LARP4B: variants seen among roughly 807,000 people sequenced by gnomAD.
The protein encoded by LARP4B is La ribonucleoprotein 4B.
In LARP4B, 12 loss-of-function variants were observed where a neutral mutation model predicts 89.8. That is an observed-to-expected ratio of 0.13 (90% confidence interval 0.09 to 0.22). The LOEUF (loss-of-function observed/expected upper bound fraction) is 0.22, where lower values mean the gene tolerates loss of function less well. Ranked by LOEUF, LARP4B falls within the 10% of genes least tolerant of loss-of-function variation. LARP4B has a pLI of 1.00. For synonymous variants in LARP4B, 367 were observed against 363.3 expected, an observed-to-expected ratio of 1.01 and a Z score of -0.12; for missense variants, 757 against 947.7, an observed-to-expected ratio of 0.80 and a Z score of 2.64.
At chr10:860,334 A>G (rs1195130886) in intron 5 of LARP4B, among the ~76,000 whole-genome samples, 1 of 152,180 alleles carries the variant, frequency 6.6e-6, no homozygotes, top group Non-Finnish European at 1.5e-5. Flanking sequence ...TGAGGTCATA[A>G]GGGTCATAAG....
rs765450284 is a variant in LARP4B, at chr10:814,969, G to A, written c.1797C>T (p.Ser599=). Residue 599 remains serine (S), a synonymous_variant, in exon 16 of 18, where the codon TCC becomes TCT. Transcript: ENST00000316157. The surrounding 1 kb of genome is among the most constrained non-coding windows in gnomAD (Gnocchi z 4.4). ...SCAVSATYER[S]PSPAHLPDDP... ...ACTCGGGTAAATGAGCTGGGGAGGG[G>A]GATCGCTCGTACGTTGCTGATACAG... 7.5e-6 allele frequency: 12 copies of A among 1,603,298 alleles called. No homozygotes were observed. The East Asian group carries it at 2.5e-4, about 33-fold the overall frequency.
Position 822,748 on chromosome 10 carries a change from G to T in LARP4B, c.1485-1903C>A, listed in dbSNP as rs1832422974. On this transcript the variant is annotated intron_variant, in intron 13 of 17. Transcript: ENST00000316157. This position sits in a 1 kb window ranked among gnomAD's most constrained non-coding sequence, Gnocchi z 4.6. Reference sequence around the variant, plus strand: ...CGACTCTGAATGCAGTGGTGTGAAGGCCTGAGACCCTGAAGAGGTGTGCTT... The same window carrying T: ...CGACTCTGAATGCAGTGGTGTGAAGTCCTGAGACCCTGAAGAGGTGTGCTT... Among the ~76,000 whole-genome samples, 3 of 152,196 alleles carry T rather than the reference G, an allele frequency of 2.0e-5. No homozygotes were observed. The highest frequency in any genetic ancestry group is 4.4e-5 in the Non-Finnish European group (3 of 68,034).
At chr10:988,336 G>C in the LARP4B span, 3 of 684,426 alleles carry the variant, frequency 4.4e-6, no homozygotes, top group Non-Finnish European at 7.7e-6. Flanking sequence ...GTGCGACGCG[G>C]AAAGCGCCGT....
chr10:864,260 G>A lies in LARP4B; in HGVS notation c.152C>T (p.Thr51Ile), dbSNP rs1202044417. 1.2e-6 allele frequency: 2 copies of A among 1,614,152 alleles called. No individual in the cohort carries two copies. The highest frequency in any genetic ancestry group is 2.7e-5 in the African/African-American group (2 of 75,050). Reference protein sequence around the residue: ...SIPPLSQVPATKVSELNPNAE... With the variant: ...SIPPLSQVPAIKVSELNPNAE... Reference sequence around the variant, plus strand: ...ATTAGGGTTCAGCTCTGAAACCTTAGTTGCTGGTACCTAGGAAGAAATGTA... The same window carrying A: ...ATTAGGGTTCAGCTCTGAAACCTTAATTGCTGGTACCTAGGAAGAAATGTA... The change falls in exon 4 of 18, where the codon ACT becomes ATT. Residue 51 changes from threonine (T) to isoleucine (I), a missense_variant. Thr to Ile is a moderately conservative substitution (Grantham distance 89). This residue lies in a region of LARP4B where 175 missense variants were observed against 187.0 expected (regional missense o/e 0.94). Coordinates refer to ENST00000316157, the MANE Select transcript of LARP4B (RefSeq NM_015155.3).
intron 3 of LARP4B, among the ~76,000 whole-genome samples, chr10:866,033 A>G (rs1273249472): frequency 6.6e-6 from 1 of 152,218 alleles, no homozygotes; most frequent in Non-Finnish European, 1.5e-5. Context: ...ATAAATCCAC[A>G]TTGGCTCAGG....
At chr10:968,230 T>C in the LARP4B span, among the ~76,000 whole-genome samples, 1 of 152,198 alleles carries the variant, frequency 6.6e-6, no homozygotes, top group Non-Finnish European at 1.5e-5. Flanking sequence ...CATACTGAGC[T>C]CAAGTTGGAG....
intron 5 of LARP4B, among the ~76,000 whole-genome samples, chr10:852,316 G>C (rs997137605): frequency 6.6e-6 from 1 of 152,128 alleles, no homozygotes; most frequent in Non-Finnish European, 1.5e-5. Context: ...GATCTACAGA[G>C]GTTTAGACCA....
At chr10:895,057 G>A (rs1465721197) in intron 1 of LARP4B, among the ~76,000 whole-genome samples, 3 of 152,144 alleles carry the variant, frequency 2.0e-5, no homozygotes, top group Admixed American at 6.5e-5. Flanking sequence ...ATGGCGGCGT[G>A]TGCCTGTAGT....
At chr10:846,464 T>C (rs1411909053) in intron 5 of LARP4B, among the ~76,000 whole-genome samples, 2 of 151,892 alleles carry the variant, frequency 1.3e-5, no homozygotes, top group Non-Finnish European at 1.5e-5. Context: ...GGGAAGTGTG[T>C]TCTAAATGGG....
chr10:832,067 G>A (rs552733332), intron 8 of LARP4B, among the ~76,000 whole-genome samples: 35 of 151,826 alleles, frequency 2.3e-4, no homozygotes, highest in Middle Eastern at 3.2e-3. Flanking sequence ...TTTTTGAGAC[G>A]GAGTCTCGCT....
intron 5 of LARP4B, among the ~76,000 whole-genome samples, chr10:858,782 T>C (rs1294234219): frequency 6.6e-6 from 1 of 152,162 alleles, no homozygotes; most frequent in Non-Finnish European, 1.5e-5. Context: ...AAAAGGGTGC[T>C]TGGCATCACT....
At chr10:963,090 T>TCTC in the LARP4B span, among the ~76,000 whole-genome samples, 1 of 152,120 alleles carries the variant, frequency 6.6e-6, no homozygotes, top group Non-Finnish European at 1.5e-5. Context: ...CCTTTCTCCT[T>TCTC]CTCCTTCCTC....
the LARP4B span, among the ~76,000 whole-genome samples, chr10:961,195 TC>T: frequency 6.6e-6 from 1 of 152,256 alleles, no homozygotes; most frequent in African/African-American, 2.4e-5. Flanking sequence ...ATGACGTAGG[TC>T]AGAAACTCAT....
intron 1 of LARP4B, among the ~76,000 whole-genome samples, chr10:896,319 G>C (rs1239652855): frequency 6.6e-6 from 1 of 152,036 alleles, no homozygotes; most frequent in African/African-American, 2.4e-5. Flanking sequence ...GTGGAGTTTT[G>C]GTATAGCATC....
chr10:968,915 G>A, the LARP4B span, among the ~76,000 whole-genome samples: 2 of 152,336 alleles, frequency 1.3e-5, no homozygotes, highest in African/African-American at 4.8e-5. Context: ...GGAGAAAGCT[G>A]TTATGATCTT....
intron 5 of LARP4B, among the ~76,000 whole-genome samples, chr10:856,883 A>G (rs1255698445): frequency 1.3e-5 from 2 of 152,140 alleles, no homozygotes; most frequent in African/African-American, 2.4e-5. Flanking sequence ...ACATACCTAG[A>G]GGAAGGGAAA....
chr10:901,727 A>C (rs1836350972), intron 1 of LARP4B, among the ~76,000 whole-genome samples: 1 of 152,338 alleles, frequency 6.6e-6, no homozygotes, highest in Non-Finnish European at 1.5e-5. Flanking sequence ...TCAGCACTGG[A>C]GTATTCCTAA....
the LARP4B span, among the ~76,000 whole-genome samples, chr10:950,760 A>G: frequency 6.6e-6 from 1 of 151,996 alleles, no homozygotes; most frequent in Non-Finnish European, 1.5e-5. Flanking sequence ...TGTAAATAAT[A>G]TTGTATTATT....
chr10:885,788 G>C, intron 1 of LARP4B, 28 bp from the exon 2 acceptor site: 1 of 1,123,274 alleles, frequency 8.9e-7, no homozygotes, highest in East Asian at 2.4e-5. Flanking sequence ...CATTAAACAG[G>C]TCATTTGAAG....
Sources: allele counts gnomAD v4.1 joint callset (sites outside exome capture counted in the v4.1 genomes callset), GRCh38; gene constraint gnomAD v4.1.1; regional missense constraint gnomAD v4.1.1; non-coding constraint Gnocchi (gnomAD v3.1); transcripts MANE v1.5; gene names NCBI Gene and HGNC (gene_info 2026-07-23, HGNC 2026-07-21).